Variants in GULP1 observed in about 807,000 individuals in gnomAD.
GULP1 encodes the protein GULP PTB domain containing engulfment adaptor 1, also known as PTB domain-containing engulfment adapter protein 1.
A neutral mutation model predicts 40.9 loss-of-function variants in GULP1; 19 were observed. That is an observed-to-expected ratio of 0.46 (90% CI 0.32 to 0.68). The LOEUF (loss-of-function observed/expected upper bound fraction) is 0.68. Among genes scored for constraint, GULP1 ranks in the 30% least tolerant of loss-of-function variants. The pLI, the probability that GULP1 is intolerant of heterozygous loss-of-function variation, is 0.03. For missense variants in GULP1, 312 were observed against 362.2 expected (o/e 0.86, Z 1.12); for synonymous variants, 119 against 117.6 (o/e 1.01, Z -0.08).
intron 2 of GULP1, among the ~76,000 whole-genome samples, chr2:188,413,845 T>G (rs971314871): frequency 2.0e-5 from 3 of 152,194 alleles, no homozygotes; most frequent in African/African-American, 7.2e-5. Context: ...ATTTTGTGTT[T>G]GTTAAGAGAT....
At chr2:188,547,909 ATAACTT>A (rs1217389105) in intron 7 of GULP1, among the ~76,000 whole-genome samples, 1 of 152,144 alleles carries the variant, frequency 6.6e-6, no homozygotes, top group African/African-American at 2.4e-5. Flanking sequence ...TGCTTTAAAA[ATAACTT>A]TAAAAGAGAA....
intron 5 of GULP1, among the ~76,000 whole-genome samples, chr2:188,527,679 T>C (rs1399700719): frequency 6.6e-6 from 1 of 152,042 alleles, no homozygotes; most frequent in African/African-American, 2.4e-5. Context: ...GACAGCAAGC[T>C]GAAAAATTAT....
At chr2:188,581,371 A>C (rs1413620563) in intron 9 of GULP1, among the ~76,000 whole-genome samples, 2 of 152,204 alleles carry the variant, frequency 1.3e-5, no homozygotes, top group Non-Finnish European at 2.9e-5. Context: ...CCCTTGCTCA[A>C]GTGCCATTCC....
intron 4 of GULP1, among the ~76,000 whole-genome samples, chr2:188,517,741 A>C (rs559889961): frequency 1.3e-5 from 2 of 152,048 alleles, no homozygotes; most frequent in African/African-American, 2.4e-5. Flanking sequence ...TCAGGGAAAA[A>C]TTCTTCTGCT....
intron 7 of GULP1, among the ~76,000 whole-genome samples, chr2:188,546,056 C>CA (rs1691868764): frequency 6.6e-6 from 1 of 151,616 alleles, no homozygotes; most frequent in South Asian, 2.1e-4. Flanking sequence ...TGTGTATTAC[C>CA]AAAAAATAGA....
chr2:188,425,645 T>C (rs1376571491), intron 2 of GULP1, among the ~76,000 whole-genome samples: 1 of 152,190 alleles, frequency 6.6e-6, no homozygotes, highest in Admixed American at 6.5e-5. Context: ...TCAATAGCAC[T>C]GAAGGTAATA....
At chr2:188,433,009 G>T (rs2152827647) in intron 2 of GULP1, among the ~76,000 whole-genome samples, 1 of 152,224 alleles carries the variant, frequency 6.6e-6, no homozygotes, top group East Asian at 1.9e-4. Context: ...CAAAGAATGG[G>T]TTTTATCTTG....
At chr2:188,305,376 G>T (rs1480379154) in intron 1 of GULP1, among the ~76,000 whole-genome samples, 1 of 152,188 alleles carries the variant, frequency 6.6e-6, no homozygotes. Context: ...AACCAACAGT[G>T]TAGAAATGTG....
chr2:188,407,919 C>T (rs1028658190), intron 2 of GULP1, among the ~76,000 whole-genome samples: 1 of 151,450 alleles, frequency 6.6e-6, no homozygotes, highest in Admixed American at 6.6e-5. Context: ...TTTTTAAGTA[C>T]ACACACAGAT....
At chr2:188,293,565 A>C (rs181334880) in intron 1 of GULP1, among the ~76,000 whole-genome samples, 4 of 152,182 alleles carry the variant, frequency 2.6e-5, no homozygotes, top group Non-Finnish European at 4.4e-5. Context: ...AAATTCTTCA[A>C]ATTTGCAAAT....
intron 1 of GULP1, among the ~76,000 whole-genome samples, chr2:188,337,448 T>C (rs1057453020): frequency 6.0e-5 from 9 of 148,990 alleles, no homozygotes; most frequent in Non-Finnish European, 1.2e-4. Flanking sequence ...CCCTCCAACT[T>C]CTTTTGCATC....
At chr2:188,500,315 A>G (rs2063315144) in intron 4 of GULP1, among the ~76,000 whole-genome samples, 1 of 151,910 alleles carries the variant, frequency 6.6e-6, no homozygotes, top group Admixed American at 6.6e-5. Flanking sequence ...AAATAGCAAA[A>G]TAAGGGACAC....
intron 9 of GULP1, 151 bp from the exon 10 acceptor site, chr2:188,584,114 G>A (rs368287882): frequency 1.1e-4 from 54 of 509,960 alleles, no homozygotes; most frequent in Non-Finnish European, 1.1e-4. Context: ...ATGAAATTGC[G>A]AATACTTAAC....
chr2:188,445,692 C>T (rs2058326854), intron 2 of GULP1, among the ~76,000 whole-genome samples: 1 of 152,096 alleles, frequency 6.6e-6, no homozygotes. Flanking sequence ...TAGTGGAAGT[C>T]AGAGATTTTT....
At chr2:188,413,073 G>C (rs756514990) in intron 2 of GULP1, among the ~76,000 whole-genome samples, 3 of 152,072 alleles carry the variant, frequency 2.0e-5, no homozygotes, top group East Asian at 3.9e-4. Flanking sequence ...TTAAACTCAG[G>C]CTCTTCCGAT....
At chr2:188,589,335 C>G (rs1306901126) in intron 11 of GULP1, 1 of 153,658 alleles carries the variant, frequency 6.5e-6, no homozygotes, top group Non-Finnish European at 1.4e-5. Flanking sequence ...ATGAAACTTT[C>G]AAATGGCGCA....
intron 1 of GULP1, among the ~76,000 whole-genome samples, chr2:188,357,316 G>T (rs371922454): frequency 6.6e-6 from 1 of 151,904 alleles, no homozygotes; most frequent in Admixed American, 6.6e-5. Flanking sequence ...ATCCAATAAG[G>T]GTTTAATATC....
chr2:188,500,104 A>T (rs1408356245), intron 4 of GULP1, among the ~76,000 whole-genome samples: 8 of 151,864 alleles, frequency 5.3e-5, no homozygotes, highest in African/African-American at 1.9e-4. Flanking sequence ...TTCTCATTGA[A>T]TATGCAGAAT....
intron 9 of GULP1, among the ~76,000 whole-genome samples, chr2:188,579,550 A>G (rs1308681266): frequency 2.0e-5 from 3 of 152,070 alleles, no homozygotes; most frequent in African/African-American, 7.2e-5. Context: ...AGCTAGTTCT[A>G]TACTTTAAAA....
Sources: gnomAD v4.1 joint callset for allele counts (sites outside exome capture counted in the v4.1 genomes callset) on GRCh38, gnomAD v4.1.1 for gene constraint, MANE v1.5 for transcripts, NCBI Gene and HGNC (gene_info 2026-07-23, HGNC 2026-07-21) for gene names.